PIK3C2G: variants seen among roughly 807,000 people sequenced by gnomAD.
PIK3C2G encodes phosphatidylinositol-4-phosphate 3-kinase catalytic subunit type 2 gamma, also known as phosphatidylinositol 3-kinase C2 domain-containing subunit gamma.
PIK3C2G carries 168 observed loss-of-function variants against 181.1 expected under a neutral mutation model. That is an observed-to-expected ratio of 0.93 (90% CI 0.82 to 1.05). The LOEUF (loss-of-function observed/expected upper bound fraction) is 1.05, where lower values mean the gene tolerates loss of function less well. Among genes scored for constraint, PIK3C2G ranks in the 50% least tolerant of loss-of-function variants. The pLI is 0.00. For synonymous variants in PIK3C2G, 573 were observed against 592.2 expected (o/e 0.97, Z 0.47); for missense variants, 1,869 against 1,732.8 (o/e 1.08, Z -1.40).
chr12:18,643,391 A>G (rs998506112), intron 32 of PIK3C2G, among the ~76,000 whole-genome samples: 1 of 152,034 alleles, frequency 6.6e-6, no homozygotes, highest in African/African-American at 2.4e-5. Context: ...ACATAGTCCA[A>G]TCAAGCAGAA....
In PIK3C2G at chr12:18,396,102, G is replaced by T. The variant is rs545149486; in HGVS notation, c.2127-3557G>T. Among the ~76,000 whole-genome samples, 10 of 151,552 alleles carry T rather than the reference G, an allele frequency of 6.6e-5. No individual in the cohort carries two copies. The South Asian group carries it at 2.1e-3, about 31-fold the overall frequency. ...GAACTCAAATTAAAAAGCAGAAATT[G>T]TCAGCCTACATCAAAAAAGCAATAT... On this transcript the variant is annotated intron_variant, in intron 15 of 32. Transcript: ENST00000538779.
At chr12:18,414,762 C>A (rs192976637) in intron 16 of PIK3C2G, among the ~76,000 whole-genome samples, 1 of 152,118 alleles carries the variant, frequency 6.6e-6, no homozygotes, top group Non-Finnish European at 1.5e-5. Flanking sequence ...ATATTGCCAA[C>A]AAGTATGAAA....
intron 31 of PIK3C2G, among the ~76,000 whole-genome samples, chr12:18,627,525 G>A (rs1246050043): frequency 6.6e-6 from 1 of 152,124 alleles, no homozygotes. Flanking sequence ...TTCTTTGACA[G>A]AGATAGACCT....
chr12:18,314,100 C>A, intron 6 of PIK3C2G, 36 bp downstream of exon 6: 2 of 1,089,914 alleles, frequency 1.8e-6, no homozygotes, highest in Non-Finnish European at 2.7e-6. Flanking sequence ...AATTGGCAAA[C>A]TGACAGTTTT....
chr12:18,704,752 A>G, the PIK3C2G span, among the ~76,000 whole-genome samples: 1 of 152,188 alleles, frequency 6.6e-6, no homozygotes, highest in African/African-American at 2.4e-5. Flanking sequence ...TCATAGAGAC[A>G]GGGAAATTGA....
At chr12:18,516,394 CT>C (rs575011915) in intron 24 of PIK3C2G, among the ~76,000 whole-genome samples, 182 of 151,864 alleles carry the variant, frequency 1.2e-3, no homozygotes, top group Non-Finnish European at 2.0e-3. Context: ...TCTCTTGCTG[CT>C]TTCAGCATTC....
chr12:18,504,180 T>G (rs1941681620), intron 23 of PIK3C2G, among the ~76,000 whole-genome samples: 1 of 152,206 alleles, frequency 6.6e-6, no homozygotes, highest in African/African-American at 2.4e-5. Context: ...TCACCCTACC[T>G]ATGATAAAAA....
chr12:18,496,187 C>A lies in PIK3C2G; in HGVS notation c.2886+33C>A, dbSNP rs1201822963. 7.5e-6 allele frequency: 9 copies of A among 1,201,166 alleles called. No individual in the cohort carries two copies. The South Asian group carries it at 1.3e-4, about 17-fold the overall frequency. The allele number at this position is 1,201,166 out of a possible 1,614,324, so 74.4% of individuals were successfully genotyped here. A position where few individuals can be genotyped will look rare whatever the true frequency, so the allele number is the denominator to read the frequency against. On this transcript the variant is annotated intron_variant, in intron 21 of 32. Transcript: ENST00000538779. ...AGCGCTCTTAAAACATGAATTGATT[C>A]CATACACAGAACTATCGATTTATTA...
At chr12:18,602,784 C>T (rs1487138260) in intron 30 of PIK3C2G, among the ~76,000 whole-genome samples, 2 of 152,124 alleles carry the variant, frequency 1.3e-5, no homozygotes, top group African/African-American at 4.8e-5. Context: ...ACAATCACTG[C>T]ACTTCAGCTC....
chr12:18,269,560 G>C (rs1405466266), intron 1 of PIK3C2G, among the ~76,000 whole-genome samples: 1 of 152,052 alleles, frequency 6.6e-6, no homozygotes, highest in Non-Finnish European at 1.5e-5. Context: ...TACCACTTTG[G>C]TTTCAGAACA....
chr12:18,559,343 C>A (rs1013953864), intron 26 of PIK3C2G, among the ~76,000 whole-genome samples: 1 of 151,924 alleles, frequency 6.6e-6, no homozygotes, highest in African/African-American at 2.4e-5. Flanking sequence ...ACAATAAAAG[C>A]AGGTGGAGGC....
chr12:18,652,371 C>T (rs1017130960), downstream of PIK3C2G, among the ~76,000 whole-genome samples: 4 of 152,148 alleles, frequency 2.6e-5, no homozygotes, highest in East Asian at 1.9e-4. Context: ...GATGCATCTA[C>T]AAGTCAAGGA....
intron 11 of PIK3C2G, among the ~76,000 whole-genome samples, chr12:18,352,417 G>A (rs1339807026): frequency 1.3e-5 from 2 of 152,162 alleles, no homozygotes; most frequent in Admixed American, 6.5e-5. Context: ...GGGAGGGGAG[G>A]ACATACAGGT....
intron 5 of PIK3C2G, among the ~76,000 whole-genome samples, chr12:18,307,737 C>T (rs980535120): frequency 4.6e-5 from 7 of 151,832 alleles, no homozygotes; most frequent in African/African-American, 1.7e-4. Context: ...AAATTCCCAC[C>T]CTTCTTTCTA....
intron 12 of PIK3C2G, among the ~76,000 whole-genome samples, chr12:18,366,814 T>C (rs1941679064): frequency 6.6e-6 from 1 of 151,972 alleles, no homozygotes; most frequent in African/African-American, 2.4e-5. Flanking sequence ...TGAAAGTTCA[T>C]TCCTTTGACT....
intron 16 of PIK3C2G, among the ~76,000 whole-genome samples, chr12:18,418,672 T>C (rs939710881): frequency 5.3e-5 from 8 of 151,988 alleles, no homozygotes; most frequent in Admixed American, 4.6e-4. Context: ...GCCATTAGGA[T>C]AGAAAAATCA....
chr12:18,703,516 T>C, the PIK3C2G span, among the ~76,000 whole-genome samples: 1 of 152,218 alleles, frequency 6.6e-6, no homozygotes, highest in Non-Finnish European at 1.5e-5. Context: ...TGTTATACAT[T>C]GACCAGACTC....
At chr12:18,602,179 A>T (rs1453264519) in intron 30 of PIK3C2G, among the ~76,000 whole-genome samples, 2 of 151,884 alleles carry the variant, frequency 1.3e-5, no homozygotes, top group Non-Finnish European at 2.9e-5. Flanking sequence ...CTGGAAACAG[A>T]CTGTTGCAGG....
At chr12:18,302,439 T>C (rs1400310012) in intron 5 of PIK3C2G, among the ~76,000 whole-genome samples, 1 of 152,148 alleles carries the variant, frequency 6.6e-6, no homozygotes, top group African/African-American at 2.4e-5. Flanking sequence ...TTCAGGCTTG[T>C]CCTCAGGCTC....
Sources: allele counts gnomAD v4.1 joint callset (sites outside exome capture counted in the v4.1 genomes callset), GRCh38; gene constraint gnomAD v4.1.1; transcripts MANE v1.5; gene names NCBI Gene and HGNC (gene_info 2026-07-23, HGNC 2026-07-21).